The following CELSR1 variants were observed in gnomAD, a reference collection of about 807,000 sequenced individuals.
CELSR1 encodes cadherin EGF LAG seven-pass G-type receptor 1, also known as adhesion G protein-coupled receptor C1.
A neutral mutation model predicts 249.1 loss-of-function variants in CELSR1; 110 were observed. The ratio of observed to expected loss-of-function variants is 0.44; its 90% CI spans 0.38 to 0.52. The LOEUF (loss-of-function observed/expected upper bound fraction) is 0.52, where lower values mean the gene tolerates loss of function less well. Ranked by LOEUF, CELSR1 falls within the 20% of genes least tolerant of loss-of-function variation. CELSR1 has a pLI of 0.00. For synonymous variants in CELSR1, 2,113 were observed against 1,900.0 expected, an observed-to-expected ratio of 1.11 and a Z score of -2.92; for missense variants, 4,109 against 4,296.4, an observed-to-expected ratio of 0.96 and a Z score of 1.22.
At position 46,446,468 on chromosome 22, in the gene CELSR1, T is replaced by C. The variant is rs73890436; in HGVS notation, c.4184-7057A>G. ...TTGTGCGATGGTTCCCCCGTGTGTT[T>C]CTCTCCCCAGCTCTGTGCAGGCAAT... On this transcript the variant is annotated intron_variant, in intron 2 of 34. Coordinates refer to ENST00000674500, the MANE Select transcript of CELSR1 (RefSeq NM_001378328.1). This position sits in a 1 kb window ranked among gnomAD's most constrained non-coding sequence, Gnocchi z 5.5. Among the ~76,000 whole-genome samples the C allele has an allele frequency of 0.041, 6,309 of 152,184 alleles. 451 individuals are homozygous for C. The highest frequency in any genetic ancestry group is 0.14 in the African/African-American group (5,876 of 41,478).
chr22:46,415,317 T>C (rs1022469044), intron 5 of CELSR1, among the ~76,000 whole-genome samples: 1 of 152,074 alleles, frequency 6.6e-6, no homozygotes, highest in African/African-American at 2.4e-5. Context: ...ACCTGGCTAA[T>C]TTTTGTATTT....
In CELSR1 at chr22:46,537,123, G is replaced by A; in HGVS notation, c.48C>T (p.Ala16=). The change falls in exon 1 of 35, where the codon GCC becomes GCT. Residue 16 remains alanine (A), a synonymous_variant. Coordinates refer to ENST00000674500, the MANE Select transcript of CELSR1 (RefSeq NM_001378328.1). The surrounding 1 kb of genome is among the most constrained non-coding windows in gnomAD (Gnocchi z 5.8). ...CCATCGCCGGCAGGGCGGCGGCGGC[G>A]GCCAGGAGCAGCAGCACGGGCAGCA... ...PPVLPVLLLL[A]AAAALPAMGL... is the part of the protein sequence containing the mutation. 9.7e-7 allele frequency: 1 copy of A among 1,036,260 alleles called. No homozygotes were observed. The allele number at this position is 1,036,260 out of a possible 1,614,324, so 64.2% of individuals were successfully genotyped here.
intron 25 of CELSR1, among the ~76,000 whole-genome samples, chr22:46,371,353 C>A (rs2078849437): frequency 6.6e-6 from 1 of 152,168 alleles, no homozygotes; most frequent in South Asian, 2.1e-4. Flanking sequence ...CCCCCCCACC[C>A]CAGTGCCTCT....
chr22:46,485,446 G>C (rs910670288), intron 1 of CELSR1, among the ~76,000 whole-genome samples: 1 of 152,134 alleles, frequency 6.6e-6, no homozygotes, highest in Non-Finnish European at 1.5e-5. Context: ...TTCAAGCAAA[G>C]ACTCAAAGCT....
chr22:46,518,417 G>A lies in CELSR1; in HGVS notation c.3544+15210C>T, dbSNP rs1365366799. Among the ~76,000 whole-genome samples, 22 of 152,214 alleles carry A rather than the reference G, an allele frequency of 1.4e-4. No homozygotes were observed. Among genetic ancestry groups the A allele is most frequent in the Admixed American group, 1.4e-3 (21 of 15,290 alleles). ...ACATTGCACTGCGACAAGGCAAACC[G>A]ATGGTGTGCTCGGGCATTCGGGTGG... On this transcript the variant is annotated intron_variant, in intron 1 of 34. Transcript: ENST00000674500. This position sits in a 1 kb window ranked among gnomAD's most constrained non-coding sequence, Gnocchi z 5.2.
In CELSR1 at chr22:46,472,433, G is replaced by A. The variant is rs541167392; in HGVS notation, c.3545-8088C>T. ...GGACAGGGGACAGTGCCGCAGTTCCGAGACTCGGTGGCAGGTGATTGGCGG... is the reference window on the plus strand; with the variant it reads ...GGACAGGGGACAGTGCCGCAGTTCCAAGACTCGGTGGCAGGTGATTGGCGG... On this transcript the variant is annotated intron_variant, in intron 1 of 34. Coordinates refer to ENST00000674500, the MANE Select transcript of CELSR1 (RefSeq NM_001378328.1). The surrounding 1 kb of genome is among the most constrained non-coding windows in gnomAD (Gnocchi z 7.0). Among the ~76,000 whole-genome samples the A allele has an allele frequency of 1.2e-4, 18 of 152,320 alleles. No individual in the cohort carries two copies. In the East Asian group the frequency reaches 2.7e-3, roughly 23 times the overall value.
At chr22:46,378,463 G>T in intron 23 of CELSR1, 128 bp downstream of exon 23, 1 of 974,716 alleles carries the variant, frequency 1.0e-6, no homozygotes, top group Non-Finnish European at 1.5e-6. Flanking sequence ...TTGAGGAGGG[G>T]ACAGATTTGG....
rs1459873546 is a variant in CELSR1, at chr22:46,378,813, G to T, written c.7257-96C>A. The T allele has an allele frequency of 3.4e-6, 5 of 1,462,348 alleles. No homozygotes were observed. The East Asian group carries it at 9.6e-5, about 28-fold the overall frequency. The allele number at this position is 1,462,348 out of a possible 1,614,324, so 90.6% of individuals were successfully genotyped here. On this transcript the variant is annotated intron_variant, in intron 22 of 34. Coordinates refer to ENST00000674500, the MANE Select transcript of CELSR1 (RefSeq NM_001378328.1). ...TTTGCCCAGCCCTGGGGGCTCCCAGGCCATCCTGGCCAAACCAAACAGCAG... is the reference window on the plus strand; with the variant it reads ...TTTGCCCAGCCCTGGGGGCTCCCAGTCCATCCTGGCCAAACCAAACAGCAG...
At chr22:46,515,152 C>T (rs2080613954) in intron 1 of CELSR1, among the ~76,000 whole-genome samples, 1 of 152,102 alleles carries the variant, frequency 6.6e-6, no homozygotes, top group South Asian at 2.1e-4. Flanking sequence ...TCATGGGACA[C>T]AGCATGGGCA....
chr22:46,512,836 T>A lies in CELSR1; in HGVS notation c.3544+20791A>T, dbSNP rs571551515. ...TGCAAGAACCAGGGGCCCCCCACCC[T>A]CTTGTTCCTTCCGGGTCCGGGCTTG... On this transcript the variant is annotated intron_variant, in intron 1 of 34. Coordinates refer to ENST00000674500, the MANE Select transcript of CELSR1 (RefSeq NM_001378328.1). The surrounding 1 kb of genome is among the most constrained non-coding windows in gnomAD (Gnocchi z 5.2). Among the ~76,000 whole-genome samples, 4 of 152,214 alleles carry A rather than the reference T, an allele frequency of 2.6e-5. No individual in the cohort carries two copies. In the East Asian group the frequency reaches 7.7e-4, roughly 29 times the overall value.
intron 22 of CELSR1, among the ~76,000 whole-genome samples, chr22:46,379,933 G>A (rs1211151372): frequency 2.0e-5 from 3 of 152,110 alleles, no homozygotes; most frequent in Non-Finnish European, 4.4e-5. Context: ...CCACACCCCC[G>A]TTCCAGTGCC....
intron 9 of CELSR1, among the ~76,000 whole-genome samples, chr22:46,403,791 G>T (rs574786495): frequency 6.6e-6 from 1 of 151,628 alleles, no homozygotes; most frequent in African/African-American, 2.4e-5. Context: ...TGGCCTACAT[G>T]GTGAAACCCC....
Position 46,399,122 on chromosome 22 carries a change from C to T in CELSR1, c.5413-485G>A, listed in dbSNP as rs897720399. The stretch of plus-strand genomic sequence containing the variant: ...GTAAGATGAGCCTTGGCTCCAAGAG[C>T]TCTTGGAGATCCCAGGTCGCCCCTT... On this transcript the variant is annotated intron_variant, in intron 10 of 34. Coordinates refer to ENST00000674500, the MANE Select transcript of CELSR1 (RefSeq NM_001378328.1). The surrounding 1 kb of genome is among the most constrained non-coding windows in gnomAD (Gnocchi z 5.0). Among the ~76,000 whole-genome samples, 2 of 152,200 alleles carry T rather than the reference C, an allele frequency of 1.3e-5. No individual in the cohort carries two copies. The highest frequency in any genetic ancestry group is 2.9e-5 in the Non-Finnish European group (2 of 68,034).
intron 9 of CELSR1, among the ~76,000 whole-genome samples, chr22:46,400,691 C>T (rs377154551): frequency 6.6e-6 from 1 of 152,162 alleles, no homozygotes; most frequent in African/African-American, 2.4e-5. Flanking sequence ...GTGGCTCACA[C>T]CTGTAATTTC....
Position 46,394,227 on chromosome 22 carries a change from T to A in CELSR1, c.5879A>T (p.Asn1960Ile), listed in dbSNP as rs764528316. 3 of 1,610,842 alleles carry A rather than the reference T, an allele frequency of 1.9e-6. No homozygotes were observed. Among genetic ancestry groups the A allele is most frequent in the African/African-American group, 1.3e-5 (1 of 74,528 alleles). The change falls in exon 14 of 35, where the codon AAC becomes ATC. Residue 1960 changes from asparagine to isoleucine, a missense_variant. Coordinates refer to ENST00000674500, the MANE Select transcript of CELSR1 (RefSeq NM_001378328.1). ...DLPCPRGWWG[N>I]PVCGPCHCAV... The stretch of plus-strand genomic sequence containing the variant: ...ACAGTGGCAGGGTCCACAGACGGGG[T>A]TCCCCCACCAGCCTCTGGGGCACGG...
intron 1 of CELSR1, among the ~76,000 whole-genome samples, chr22:46,494,558 G>C (rs1300643754): frequency 6.6e-6 from 1 of 152,014 alleles, no homozygotes. Flanking sequence ...GCCCAGGCTG[G>C]AATGCAATGG....
In CELSR1 at chr22:46,527,643, T is replaced by G. The variant is rs1421900966; in HGVS notation, c.3544+5984A>C. Among the ~76,000 whole-genome samples, 2 of 151,954 alleles carry G rather than the reference T, an allele frequency of 1.3e-5. No homozygotes were observed. The highest frequency in any genetic ancestry group is 4.8e-5 in the African/African-American group (2 of 41,364). On this transcript the variant is annotated intron_variant, in intron 1 of 34. Coordinates refer to ENST00000674500, the MANE Select transcript of CELSR1 (RefSeq NM_001378328.1). This position sits in a 1 kb window ranked among gnomAD's most constrained non-coding sequence, Gnocchi z 5.5. ...AGGTGCTCAATAAACAAACCAACAC[T>G]CCTTATTTCTGAGGCAGTGTTTCTC...
In CELSR1 at chr22:46,396,649, C is replaced by A. The variant is rs759597193; in HGVS notation, c.5799G>T (p.Val1933=). 6.2e-7 allele frequency: 1 copy of A among 1,610,696 alleles called. No individual in the cohort carries two copies. Among genetic ancestry groups the A allele is most frequent in the Non-Finnish European group, 8.5e-7 (1 of 1,178,418 alleles). The change falls in exon 13 of 35, where the codon GTG becomes GTT. Residue 1933 remains valine (V), a synonymous_variant. Transcript: ENST00000674500. The surrounding 1 kb of genome is among the most constrained non-coding windows in gnomAD (Gnocchi z 6.4). ...VRSPGSPQGY[V]CECGPSHYGP... ...CGTAGTGACTGGGCCCACACTCGCA[C>A]ACGTAGCCCTGCGGGGAGCCGGGGG...
rs1442580102 is a variant in CELSR1, at chr22:46,409,539, C to T, written c.5059+216G>A. Among the ~76,000 whole-genome samples, 1 of 152,144 alleles carries T rather than the reference C, an allele frequency of 6.6e-6. No homozygotes were observed. The highest frequency in any genetic ancestry group is 2.4e-5 in the African/African-American group (1 of 41,434). On this transcript the variant is annotated intron_variant, in intron 8 of 34. Transcript: ENST00000674500. The surrounding 1 kb of genome is among the most constrained non-coding windows in gnomAD (Gnocchi z 9.8). ...GGCCCAGCCTACCTGTCCCACCCCA[C>T]ACCTGAGGGACTGGGGACCCCAGAA...
Sources: gnomAD v4.1 joint callset for allele counts (sites outside exome capture counted in the v4.1 genomes callset) on GRCh38, gnomAD v4.1.1 for gene constraint, Gnocchi (gnomAD v3.1) non-coding constraint, MANE v1.5 for transcripts, NCBI Gene and HGNC (gene_info 2026-07-23, HGNC 2026-07-21) for gene names.